UMAD1: variants seen among roughly 807,000 people sequenced by gnomAD.
UMAD1 encodes the protein UBAP1-MVB12-associated (UMA)-domain containing protein 1.
A neutral mutation model predicts 6.1 loss-of-function variants in UMAD1; 8 were observed. The ratio of observed to expected loss-of-function variants is 1.30; its 90% confidence interval spans 0.76 to 2.35. The LOEUF (loss-of-function observed/expected upper bound fraction) is 2.35. UMAD1 is among the 30% of genes most tolerant of loss of function. The probability of loss-of-function intolerance (pLI) is 0.00; values close to 1 mark genes in which losing one functional copy is unlikely to be tolerated. For synonymous variants in UMAD1, 56 were observed against 31.4 expected (o/e 1.78, Z -2.61); for missense variants, 130 against 78.4 (o/e 1.66, Z -2.49).
At chr7:7,768,167 C>T (rs1399073668) in intron 2 of UMAD1, among the ~76,000 whole-genome samples, 2 of 152,080 alleles carry the variant, frequency 1.3e-5, no homozygotes, top group African/African-American at 2.4e-5. Flanking sequence ...GCCCAATACC[C>T]TGGCAGATTT....
chr7:7,810,040 T>C (rs1293619026), intron 3 of UMAD1, among the ~76,000 whole-genome samples: 1 of 151,976 alleles, frequency 6.6e-6, no homozygotes, highest in Non-Finnish European at 1.5e-5. Context: ...AAAAGGAGAC[T>C]GGAGGGGGAG....
intron 1 of UMAD1, among the ~76,000 whole-genome samples, chr7:7,650,653 CA>C (rs1785203864): frequency 6.6e-6 from 1 of 152,158 alleles, no homozygotes; most frequent in Non-Finnish European, 1.5e-5. Context: ...ATAAGTAAAA[CA>C]AAGTTTAAGC....
intron 3 of UMAD1, among the ~76,000 whole-genome samples, chr7:7,820,914 C>T (rs1002840631): frequency 6.6e-6 from 1 of 152,096 alleles, no homozygotes; most frequent in African/African-American, 2.4e-5. Flanking sequence ...ATTAGATCCT[C>T]AGAGAAAAAC....
chr7:7,870,972 T>C (rs1784321352), intron 3 of UMAD1, among the ~76,000 whole-genome samples: 1 of 152,226 alleles, frequency 6.6e-6, no homozygotes, highest in Non-Finnish European at 1.5e-5. Flanking sequence ...TTTTCAAGCT[T>C]ATACAAAGGT....
chr7:7,834,930 A>G (rs745342491), intron 3 of UMAD1, among the ~76,000 whole-genome samples: 15 of 152,192 alleles, frequency 9.9e-5, no homozygotes, highest in Non-Finnish European at 1.8e-4. Context: ...ATGTCTTCCC[A>G]CTGTGAAGCA....
Position 7,673,245 on chromosome 7 carries a change from C to G in UMAD1, c.-63-64C>G, listed in dbSNP as rs549220484. 6.2e-6 allele frequency: 6 copies of G among 974,176 alleles called. No individual in the cohort carries two copies. In the African/African-American group the frequency reaches 9.5e-5, roughly 15 times the overall value. The allele number at this position is 974,176 out of a possible 1,614,324, so 60.3% of individuals were successfully genotyped here. ...TTATATCGTTATGCTGAACTTTTTGCTAAAAAGGGTAAGAGTTTTACAGTT... is the reference window on the plus strand; with the variant it reads ...TTATATCGTTATGCTGAACTTTTTGGTAAAAAGGGTAAGAGTTTTACAGTT... On this transcript the variant is annotated intron_variant, in intron 1 of 3. Coordinates refer to ENST00000682710, the MANE Select transcript of UMAD1 (RefSeq NM_001302348.2).
chr7:7,680,258 A>G (rs936970518), intron 2 of UMAD1, among the ~76,000 whole-genome samples: 3 of 152,106 alleles, frequency 2.0e-5, no homozygotes, highest in African/African-American at 7.2e-5. Flanking sequence ...TCTTCTGCAT[A>G]TAGATATCCA....
chr7:7,789,512 A>G (rs967186421), intron 2 of UMAD1, among the ~76,000 whole-genome samples: 8 of 152,112 alleles, frequency 5.3e-5, no homozygotes, highest in South Asian at 2.1e-4. Context: ...ATCTTAAACT[A>G]TTTTTGAGTA....
At chr7:7,861,935 A>G (rs1209409090) in intron 3 of UMAD1, among the ~76,000 whole-genome samples, 1 of 152,204 alleles carries the variant, frequency 6.6e-6, no homozygotes, top group Non-Finnish European at 1.5e-5. Context: ...AGCAGAACAG[A>G]TTAGTTTTTG....
At chr7:7,788,082 T>C (rs1035725488) in intron 2 of UMAD1, among the ~76,000 whole-genome samples, 1 of 152,176 alleles carries the variant, frequency 6.6e-6, no homozygotes, top group Non-Finnish European at 1.5e-5. Flanking sequence ...CTTTACCAGA[T>C]GCTGAGAATA....
chr7:7,713,529 A>G (rs1221935840), intron 2 of UMAD1, among the ~76,000 whole-genome samples: 2 of 151,942 alleles, frequency 1.3e-5, no homozygotes, highest in African/African-American at 4.8e-5. Context: ...AGTGTTTTCA[A>G]AAGACCAGTT....
intron 2 of UMAD1, among the ~76,000 whole-genome samples, chr7:7,733,122 T>G (rs1481632564): frequency 6.6e-6 from 1 of 152,178 alleles, no homozygotes; most frequent in African/African-American, 2.4e-5. Context: ...TGTAATCTCG[T>G]ATTGTTTTTT....
At chr7:7,832,276 G>A (rs1317880694) in intron 3 of UMAD1, among the ~76,000 whole-genome samples, 1 of 152,134 alleles carries the variant, frequency 6.6e-6, no homozygotes, top group Non-Finnish European at 1.5e-5. Context: ...TTGACATTCA[G>A]TGGAAATATT....
intron 3 of UMAD1, among the ~76,000 whole-genome samples, chr7:7,809,679 G>C (rs1782985741): frequency 6.6e-6 from 1 of 151,488 alleles, no homozygotes; most frequent in African/African-American, 2.4e-5. Flanking sequence ...TGTCCCTTTT[G>C]ATCAGCATCT....
chr7:7,790,994 ACTC>A (rs1782557299), intron 2 of UMAD1, among the ~76,000 whole-genome samples: 1 of 151,950 alleles, frequency 6.6e-6, no homozygotes, highest in Non-Finnish European at 1.5e-5. Flanking sequence ...GGGCTCAAGC[ACTC>A]CTCCTGTCTC....
chr7:7,804,214 T>C (rs1349916951), intron 3 of UMAD1, among the ~76,000 whole-genome samples: 1 of 152,004 alleles, frequency 6.6e-6, no homozygotes, highest in Non-Finnish European at 1.5e-5. Flanking sequence ...AAAAGAAAAG[T>C]GGAGTGGGAG....
intron 3 of UMAD1, among the ~76,000 whole-genome samples, chr7:7,828,464 G>A (rs1029633197): frequency 1.3e-5 from 2 of 152,160 alleles, no homozygotes; most frequent in Non-Finnish European, 2.9e-5. Context: ...CCAAGTCACT[G>A]AATCAAAATT....
At chr7:7,869,654 G>T (rs1450766263) in intron 3 of UMAD1, among the ~76,000 whole-genome samples, 2 of 152,166 alleles carry the variant, frequency 1.3e-5, no homozygotes, top group African/African-American at 2.4e-5. Flanking sequence ...AAATATAGAT[G>T]ACTTTCATAT....
At chr7:7,775,398 T>A (rs995057580) in intron 2 of UMAD1, among the ~76,000 whole-genome samples, 1 of 152,148 alleles carries the variant, frequency 6.6e-6, no homozygotes, top group African/African-American at 2.4e-5. Context: ...AGTGAGTGAG[T>A]TCTCATGAGA....
Sources: allele counts gnomAD v4.1 joint callset (sites outside exome capture counted in the v4.1 genomes callset), GRCh38; gene constraint gnomAD v4.1.1; transcripts MANE v1.5; gene names NCBI Gene and HGNC (gene_info 2026-07-23, HGNC 2026-07-21).